Variants in ROR1 observed in about 807,000 individuals in gnomAD.
ROR1 encodes ROR family WNT receptor 1, also known as inactive tyrosine-protein kinase transmembrane receptor ROR1.
ROR1 carries 19 observed loss-of-function variants against 78.8 expected under a neutral mutation model. The ratio of observed to expected loss-of-function variants is 0.24; its 90% confidence interval spans 0.17 to 0.35. ROR1 has a LOEUF of 0.35. Ranked by LOEUF, ROR1 falls within the 10% of genes least tolerant of loss-of-function variation. The pLI is 1.00. For synonymous variants in ROR1, 386 were observed against 433.6 expected (o/e 0.89, Z 1.36); for missense variants, 917 against 1,177.8 (o/e 0.78, Z 3.24).
At chr1:64,008,854 C>T (rs748375557) in intron 1 of ROR1, among the ~76,000 whole-genome samples, 7 of 152,074 alleles carry the variant, frequency 4.6e-5, no homozygotes, top group Middle Eastern at 6.8e-3. Flanking sequence ...AGGCTGGTCT[C>T]GAACTCCTGA....
intron 1 of ROR1, among the ~76,000 whole-genome samples, chr1:63,850,979 T>TTTTGTTTG (rs199721511): frequency 1.3e-5 from 2 of 151,960 alleles, no homozygotes; most frequent in Non-Finnish European, 2.9e-5. Flanking sequence ...TTTGTTTGCT[T>TTTTGTTTG]TTTGTTTGTT....
intron 1 of ROR1, among the ~76,000 whole-genome samples, chr1:63,864,568 A>C (rs1645203275): frequency 6.6e-6 from 1 of 152,062 alleles, no homozygotes; most frequent in Non-Finnish European, 1.5e-5. Flanking sequence ...CAGAGCCTCT[A>C]CTCTGTCACT....
chr1:64,001,909 C>T (rs1315472308), intron 1 of ROR1, among the ~76,000 whole-genome samples: 1 of 152,120 alleles, frequency 6.6e-6, no homozygotes, highest in Non-Finnish European at 1.5e-5. Context: ...CTTTTCTTTC[C>T]ATCTCAGCTA....
rs753466455 is a variant in ROR1, at chr1:64,159,141, C to T, written c.1335C>T (p.His445=). Residue 445 remains histidine (H), a synonymous_variant, in exon 8 of 9, where the codon CAC becomes CAT. Transcript: ENST00000371079. ...SSAPVQRQPK[H]VRGQNVEMSM... is the part of the protein sequence containing the mutation. The stretch of plus-strand genomic sequence containing the variant: ...CACCAGTCCAGAGGCAACCAAAACA[C>T]GTCAGAGGTCAAAATGTAGAGATGT... The T allele has an allele frequency of 1.9e-5, 30 of 1,613,962 alleles. No individual in the cohort carries two copies. The highest frequency in any genetic ancestry group is 8.3e-5 in the Admixed American group (5 of 60,002).
At chr1:64,048,526 T>G (rs561408516) in intron 2 of ROR1, among the ~76,000 whole-genome samples, 9 of 152,158 alleles carry the variant, frequency 5.9e-5, no homozygotes, top group Non-Finnish European at 1.2e-4. Context: ...TGGCAGGGGA[T>G]CTATCCAAGA....
chr1:63,789,878 A>G (rs1644715338), intron 1 of ROR1, among the ~76,000 whole-genome samples: 1 of 152,068 alleles, frequency 6.6e-6, no homozygotes, highest in Admixed American at 6.5e-5. Context: ...TTTCAAAGCA[A>G]GGATCCACTG....
intron 7 of ROR1, among the ~76,000 whole-genome samples, chr1:64,143,713 A>G (rs1050390870): frequency 1.3e-5 from 2 of 152,244 alleles, no homozygotes; most frequent in African/African-American, 4.8e-5. Context: ...GGGAGTAGGC[A>G]TAGCACATCC....
intron 4 of ROR1, among the ~76,000 whole-genome samples, chr1:64,101,037 G>C (rs973254729): frequency 6.6e-6 from 1 of 152,160 alleles, no homozygotes; most frequent in Non-Finnish European, 1.5e-5. Flanking sequence ...AAAATAAAAG[G>C]GATTTGGAGA....
intron 1 of ROR1, among the ~76,000 whole-genome samples, chr1:63,826,584 T>C (rs920572314): frequency 6.6e-6 from 1 of 152,118 alleles, no homozygotes; most frequent in Non-Finnish European, 1.5e-5. Flanking sequence ...AATAGAATGA[T>C]TTCTATTCCT....
intron 7 of ROR1, among the ~76,000 whole-genome samples, chr1:64,146,218 G>A (rs1379165229): frequency 2.0e-5 from 3 of 152,208 alleles, no homozygotes; most frequent in Non-Finnish European, 4.4e-5. Context: ...GCTCACGCCT[G>A]TAATCTCAGC....
At chr1:63,798,077 G>A (rs1023335150) in intron 1 of ROR1, among the ~76,000 whole-genome samples, 1 of 152,082 alleles carries the variant, frequency 6.6e-6, no homozygotes, top group Non-Finnish European at 1.5e-5. Context: ...TTGGCAGTAG[G>A]TCTCCTGATC....
At chr1:63,944,656 T>C (rs1285656772) in intron 1 of ROR1, among the ~76,000 whole-genome samples, 1 of 152,212 alleles carries the variant, frequency 6.6e-6, no homozygotes, top group Admixed American at 6.5e-5. Flanking sequence ...ATTTTTCTTC[T>C]ATCCTCTCAG....
chr1:63,808,162 T>C (rs770336971), intron 1 of ROR1, among the ~76,000 whole-genome samples: 1 of 152,190 alleles, frequency 6.6e-6, no homozygotes, highest in Non-Finnish European at 1.5e-5. Context: ...AATATGGTCA[T>C]GTGAGGTTCT....
chr1:63,990,035 G>A (rs1646282782), intron 1 of ROR1, among the ~76,000 whole-genome samples: 1 of 152,126 alleles, frequency 6.6e-6, no homozygotes, highest in Admixed American at 6.6e-5. Flanking sequence ...TCTCCTGTCA[G>A]CTCCTTAAGA....
chr1:63,924,557 C>G (rs1427746473), intron 1 of ROR1, among the ~76,000 whole-genome samples: 1 of 152,144 alleles, frequency 6.6e-6, no homozygotes, highest in Non-Finnish European at 1.5e-5. Flanking sequence ...ATACAGCCTA[C>G]TGCCTCCCGA....
intron 4 of ROR1, among the ~76,000 whole-genome samples, chr1:64,083,660 G>A (rs1192480955): frequency 6.6e-6 from 1 of 151,754 alleles, no homozygotes; most frequent in East Asian, 1.9e-4. Flanking sequence ...AAAAGCTACT[G>A]AGGCCAGAGG....
intron 1 of ROR1, among the ~76,000 whole-genome samples, chr1:63,912,736 A>T (rs1645580956): frequency 6.6e-6 from 1 of 152,096 alleles, no homozygotes; most frequent in African/African-American, 2.4e-5. Context: ...TTTTAAAGGG[A>T]GGGAATGATA....
At chr1:63,839,924 A>G (rs555146505) in intron 1 of ROR1, among the ~76,000 whole-genome samples, 1 of 152,338 alleles carries the variant, frequency 6.6e-6, no homozygotes, top group East Asian at 1.9e-4. Context: ...GGCCCAACAC[A>G]GTGGCTGAAT....
intron 1 of ROR1, among the ~76,000 whole-genome samples, chr1:63,864,257 C>A (rs554154508): frequency 6.6e-6 from 1 of 152,302 alleles, no homozygotes; most frequent in East Asian, 1.9e-4. Context: ...TGTTTCATGG[C>A]TGGACCATTG....
Sources: allele counts gnomAD v4.1 joint callset (sites outside exome capture counted in the v4.1 genomes callset), GRCh38; gene constraint gnomAD v4.1.1; transcripts MANE v1.5; gene names NCBI Gene and HGNC (gene_info 2026-07-23, HGNC 2026-07-21).